The following DNAL1 variants were observed in gnomAD, a reference collection of about 807,000 sequenced individuals.
DNAL1 encodes chromosome 14 open reading frame 168.
In DNAL1, 17 loss-of-function variants were observed where a neutral mutation model predicts 29.4. The ratio of observed to expected loss-of-function variants is 0.58; its 90% CI spans 0.40 to 0.87. DNAL1 has a LOEUF of 0.87. Ranked by LOEUF, DNAL1 falls within the 40% of genes least tolerant of loss-of-function variation. The probability of loss-of-function intolerance (pLI) is 0.00; values close to 1 mark genes in which losing one functional copy is unlikely to be tolerated. For synonymous variants in DNAL1, 78 were observed against 76.3 expected, an observed-to-expected ratio of 1.02 and a Z score of -0.12; for missense variants, 188 against 214.1, an observed-to-expected ratio of 0.88 and a Z score of 0.76.
chr14:73,693,228 G>A (rs1892218941), intron 7 of DNAL1, among the ~76,000 whole-genome samples: 2 of 152,150 alleles, frequency 1.3e-5, no homozygotes, highest in African/African-American at 2.4e-5. Flanking sequence ...CTGTAGGATG[G>A]TAATGTAACT....
intron 7 of DNAL1, 78 bp from the exon 8 acceptor site, chr14:73,695,824 C>T (rs1368339802): frequency 1.3e-5 from 17 of 1,320,262 alleles, no homozygotes; most frequent in Admixed American, 8.3e-5. Context: ...CCACCGTGCC[C>T]GGCCAGGAAA....
chr14:73,682,560 C>T (rs1891914419), intron 5 of DNAL1, among the ~76,000 whole-genome samples: 1 of 151,824 alleles, frequency 6.6e-6, no homozygotes, highest in South Asian at 2.1e-4. Context: ...CAGCTGGAAA[C>T]ACACATTGTA....
intron 5 of DNAL1, among the ~76,000 whole-genome samples, chr14:73,679,696 A>G (rs756306013): frequency 1.3e-5 from 2 of 152,176 alleles, no homozygotes; most frequent in Non-Finnish European, 2.9e-5. Context: ...TGGTTACCAA[A>G]TGGTATTTAA....
chr14:73,671,028 G>A (rs1449218858), intron 4 of DNAL1, among the ~76,000 whole-genome samples: 1 of 152,118 alleles, frequency 6.6e-6, no homozygotes, highest in Non-Finnish European at 1.5e-5. Context: ...GAGCCACCAC[G>A]CCCGGCCAGG....
intron 5 of DNAL1, among the ~76,000 whole-genome samples, chr14:73,678,244 A>G (rs1566887567): frequency 6.6e-6 from 1 of 151,968 alleles, no homozygotes; most frequent in Non-Finnish European, 1.5e-5. Context: ...TCTTTTGGAA[A>G]TTGACCAAAC....
intron 7 of DNAL1, among the ~76,000 whole-genome samples, chr14:73,690,050 AAGAAAAG>A (rs1892133080): frequency 7.6e-6 from 1 of 131,416 alleles, no homozygotes; most frequent in African/African-American, 2.9e-5. Context: ...AAAAAAAAAA[AAGAAAAG>A]AAAAGAAAGC....
At chr14:73,674,264 A>G (rs757789133) in intron 5 of DNAL1, among the ~76,000 whole-genome samples, 8 of 152,082 alleles carry the variant, frequency 5.3e-5, no homozygotes, top group Non-Finnish European at 1.2e-4. Flanking sequence ...GAATCTTTAT[A>G]CTTGGCTGTT....
chr14:73,670,801 A>G (rs949712876), intron 4 of DNAL1, among the ~76,000 whole-genome samples: 2 of 151,332 alleles, frequency 1.3e-5, no homozygotes, highest in Non-Finnish European at 2.9e-5. Context: ...CAGTGGCGAG[A>G]TCTCGGCTCA....
intron 2 of DNAL1, 69 bp downstream of exon 2, chr14:73,654,954 T>C: frequency 7.0e-7 from 1 of 1,436,288 alleles, no homozygotes; most frequent in South Asian, 1.3e-5. Flanking sequence ...TATTCAAATC[T>C]AGCTATTTAA....
Position 73,696,206 on chromosome 14 carries a change from T to G in DNAL1, c.*264T>G, listed in dbSNP as rs942581714. On this transcript the variant is annotated 3_prime_UTR_variant, in exon 8 of 8. Coordinates refer to ENST00000553645, the MANE Select transcript of DNAL1 (RefSeq NM_031427.4). The stretch of plus-strand genomic sequence containing the variant: ...TCTTCAGTCTCAGTTACGTACTGTG[T>G]AGCCCCATCTACTAAAACAAAACCT... 3.7e-6 allele frequency: 1 copy of G among 269,694 alleles called. No homozygotes were observed. 16.7% of individuals were successfully genotyped at this position (269,694 alleles called of 1,614,324 possible).
At chr14:73,689,639 C>T in intron 7 of DNAL1, 124 bp downstream of exon 7, 1 of 1,421,280 alleles carries the variant, frequency 7.0e-7, no homozygotes, top group Non-Finnish European at 9.7e-7. Flanking sequence ...TCATTTCTAT[C>T]TATGTAAAAT....
intron 1 of DNAL1, among the ~76,000 whole-genome samples, chr14:73,654,328 T>G (rs1455456597): frequency 1.3e-5 from 2 of 152,204 alleles, no homozygotes; most frequent in Non-Finnish European, 1.5e-5. Flanking sequence ...TTCTCAGAGA[T>G]ATTTAAATCA....
intron 6 of DNAL1, among the ~76,000 whole-genome samples, chr14:73,688,312 A>C (rs1892071796): frequency 6.6e-6 from 1 of 152,182 alleles, no homozygotes; most frequent in African/African-American, 2.4e-5. Flanking sequence ...GATAATTATA[A>C]AACTGTGTGA....
rs1355134154 is a variant in DNAL1 at position 73,701,656 on chromosome 14, A to C, written c.*5714A>C. 1.3e-5 allele frequency: 2 copies of C among 152,234 alleles called. No homozygotes were observed. The highest frequency in any genetic ancestry group is 2.9e-5 in the Non-Finnish European group (2 of 68,038). 9.4% of individuals were successfully genotyped at this position (152,234 alleles called of 1,614,324 possible). A position where few individuals can be genotyped will look rare whatever the true frequency, so the allele number is the denominator to read the frequency against. ...GCCTGGAGGGATCACTCCCATCAAAAGACTGGTGAGTTGGAAGCTAAGAGC... is the reference window on the plus strand; with the variant it reads ...GCCTGGAGGGATCACTCCCATCAAACGACTGGTGAGTTGGAAGCTAAGAGC... On this transcript the variant is annotated 3_prime_UTR_variant, in exon 8 of 8. Transcript: ENST00000553645.
In DNAL1 at chr14:73,679,612, C is replaced by T. The variant is rs79407766; in HGVS notation, c.265-7647C>T. 8.1e-3 allele frequency among the ~76,000 whole-genome samples: 1,233 copies of T among 152,256 alleles called. 24 individuals carry two copies. Among genetic ancestry groups the T allele is most frequent in the African/African-American group, 0.028 (1,162 of 41,542 alleles). ...CCTGGCAATCTGATCACAGTTTCCACATTGAAATTTAATGCAGTTTTCAAA... is the reference window on the plus strand; with the variant it reads ...CCTGGCAATCTGATCACAGTTTCCATATTGAAATTTAATGCAGTTTTCAAA... On this transcript the variant is annotated intron_variant, in intron 5 of 7. Coordinates refer to ENST00000553645, the MANE Select transcript of DNAL1 (RefSeq NM_031427.4).
chr14:73,650,727 C>T (rs1421980884), intron 1 of DNAL1, among the ~76,000 whole-genome samples: 1 of 152,134 alleles, frequency 6.6e-6, no homozygotes. Context: ...CCTCCCACCT[C>T]AGCCTCCAAA....
chr14:73,683,712 A>T (rs1465828695), intron 5 of DNAL1, among the ~76,000 whole-genome samples: 1 of 140,410 alleles, frequency 7.1e-6, no homozygotes, highest in Admixed American at 7.5e-5. Context: ...TATTATTATT[A>T]TTATTCTTTT....
At chr14:73,678,533 T>TTA (rs1555402433) in intron 5 of DNAL1, among the ~76,000 whole-genome samples, 114 of 140,216 alleles carry the variant, frequency 8.1e-4, no homozygotes, top group African/African-American at 2.8e-3. Context: ...TTTTTTTTTT[T>TTA]AGCAGTGCTA....
chr14:73,671,523 T>A lies in DNAL1; in HGVS notation c.209-19T>A. On this transcript the variant is annotated intron_variant, in intron 4 of 7. Coordinates refer to ENST00000553645, the MANE Select transcript of DNAL1 (RefSeq NM_031427.4). Reference sequence around the variant, plus strand: ...AATATGATTCTAGTAAACAAAAAAATGTTTTCTTTTCACTACAGAAAACTT... The same window carrying A: ...AATATGATTCTAGTAAACAAAAAAAAGTTTTCTTTTCACTACAGAAAACTT... The A allele has an allele frequency of 6.9e-7, 1 of 1,446,592 alleles. No homozygotes were observed. The highest frequency in any genetic ancestry group is 9.1e-7 in the Non-Finnish European group (1 of 1,093,700). The allele number at this position is 1,446,592 out of a possible 1,614,324, so 89.6% of individuals were successfully genotyped here. A position where few individuals can be genotyped will look rare whatever the true frequency, so the allele number is the denominator to read the frequency against.
Sources: allele counts gnomAD v4.1 joint callset (sites outside exome capture counted in the v4.1 genomes callset), GRCh38; gene constraint gnomAD v4.1.1; transcripts MANE v1.5; gene names NCBI Gene and HGNC (gene_info 2026-07-23, HGNC 2026-07-21).